Variants in ITGAL observed in about 807,000 individuals in gnomAD.
The protein encoded by ITGAL is integrin subunit alpha L, also known as integrin alpha-L.
ITGAL carries 68 observed loss-of-function variants against 138.4 expected under a neutral mutation model. The observed-to-expected ratio is 0.49, with a 90% CI of 0.40 to 0.60. The LOEUF (loss-of-function observed/expected upper bound fraction) is 0.60. ITGAL is among the 20% of genes least tolerant of loss of function. ITGAL has a pLI of 0.00. For missense variants in ITGAL, 1,256 were observed against 1,478.6 expected, an observed-to-expected ratio of 0.85 and a Z score of 2.47; for synonymous variants, 561 against 584.3, an observed-to-expected ratio of 0.96 and a Z score of 0.57.
chr16:30,518,380 C>T (rs1257873026), intron 28 of ITGAL, among the ~76,000 whole-genome samples: 1 of 149,944 alleles, frequency 6.7e-6, no homozygotes, highest in Non-Finnish European at 1.5e-5. Flanking sequence ...ACCCGGGAGG[C>T]AGAGGTTGCA....
intron 17 of ITGAL, among the ~76,000 whole-genome samples, chr16:30,499,733 A>ATGTGTATATATATATATATATATATATT: frequency 5.7e-5 from 5 of 88,364 alleles, no homozygotes; most frequent in Non-Finnish European, 7.6e-5. Context: ...ATATATATAT[A>ATGTGTATATATATATATATATATATATT]TTTTTTTTTT....
intron 21 of ITGAL, among the ~76,000 whole-genome samples, chr16:30,510,055 T>A (rs888043324): frequency 1.3e-3 from 50 of 39,760 alleles, no homozygotes; most frequent in South Asian, 0.011. Flanking sequence ...AAAAAAAAAT[T>A]TTTTTTAATA....
intron 17 of ITGAL, among the ~76,000 whole-genome samples, chr16:30,500,326 T>A (rs2050876616): frequency 6.6e-6 from 1 of 151,614 alleles, no homozygotes; most frequent in Non-Finnish European, 1.5e-5. Flanking sequence ...CCTCAGGTGA[T>A]CCTCCTACCT....
intron 9 of ITGAL, among the ~76,000 whole-genome samples, chr16:30,484,900 A>G (rs1273739670): frequency 6.6e-6 from 1 of 152,142 alleles, no homozygotes; most frequent in Non-Finnish European, 1.5e-5. Context: ...CCTGGGCAAC[A>G]CAGCAAGACT....
intron 7 of ITGAL, among the ~76,000 whole-genome samples, chr16:30,482,287 A>G (rs1339114777): frequency 6.6e-6 from 1 of 152,190 alleles, no homozygotes; most frequent in African/African-American, 2.4e-5. Flanking sequence ...CTAAGAAATT[A>G]AAAATAAATT....
intron 25 of ITGAL, among the ~76,000 whole-genome samples, 198 bp downstream of exon 25, chr16:30,514,044 G>T (rs1032680739): frequency 2.0e-5 from 3 of 152,184 alleles, no homozygotes; most frequent in African/African-American, 7.2e-5. Flanking sequence ...GCCACTGGAT[G>T]CATTATTTCA....
At chr16:30,489,519 A>G in intron 11 of ITGAL, 133 bp downstream of exon 11, 3 of 787,420 alleles carry the variant, frequency 3.8e-6, no homozygotes, top group Non-Finnish European at 6.1e-6. Context: ...ATATGGCTAT[A>G]ACATTCATAA....
rs377149246 is a variant in ITGAL, at chr16:30,494,390, G to C, written c.1365+27G>C. 21 of 1,576,370 alleles carry C rather than the reference G, an allele frequency of 1.3e-5. No individual in the cohort carries two copies. In the African/African-American group the frequency reaches 2.4e-4, roughly 18 times the overall value. On this transcript the variant is annotated intron_variant, in intron 12 of 30. Coordinates refer to ENST00000356798, the MANE Select transcript of ITGAL (RefSeq NM_002209.3). This position sits in a 1 kb window ranked among gnomAD's most constrained non-coding sequence, Gnocchi z 4.2. ...TGCGCCCAGTCCGAGGGCATCTGCA[G>C]ACCAGGGACTGGCGGGACACACATC...
chr16:30,486,341 C>G (rs1372424192), intron 9 of ITGAL, among the ~76,000 whole-genome samples: 5 of 148,056 alleles, frequency 3.4e-5, no homozygotes, highest in Non-Finnish European at 7.4e-5. Flanking sequence ...ACCCAGGAGG[C>G]AGAGGTTGCA....
intron 25 of ITGAL, among the ~76,000 whole-genome samples, chr16:30,515,264 G>A (rs2051149677): frequency 6.6e-6 from 1 of 152,166 alleles, no homozygotes; most frequent in Non-Finnish European, 1.5e-5. Context: ...CCTTCCTCCT[G>A]CTTTGTCCCA....
At chr16:30,504,311 C>T in intron 18 of ITGAL, 47 bp downstream of exon 18, 1 of 1,489,224 alleles carries the variant, frequency 6.7e-7, no homozygotes, top group Non-Finnish European at 9.4e-7. Flanking sequence ...CAGAGAAATC[C>T]ATTTGGCAAG....
At chr16:30,481,270 CG>C (rs1567464741) in intron 6 of ITGAL, 168 bp from the exon 7 acceptor site, 7 of 567,982 alleles carry the variant, frequency 1.2e-5, no homozygotes, top group African/African-American at 1.9e-5. Context: ...CGCTGGAACC[CG>C]GGAGGCAGAG....
At chr16:30,499,711 A>G (rs368600245) in intron 17 of ITGAL, among the ~76,000 whole-genome samples, 15 of 93,826 alleles carry the variant, frequency 1.6e-4, no homozygotes, top group African/African-American at 4.5e-4. Context: ...ATATATATAT[A>G]TGTATATATA....
At chr16:30,490,124 G>T (rs1203341489) in intron 11 of ITGAL, among the ~76,000 whole-genome samples, 1 of 151,574 alleles carries the variant, frequency 6.6e-6, no homozygotes, top group Non-Finnish European at 1.5e-5. Flanking sequence ...CTACTCAGGG[G>T]GCTGAGGCAG....
At chr16:30,505,121 G>C (rs1377017131) in intron 18 of ITGAL, 123 bp from the exon 19 acceptor site, 1 of 905,786 alleles carries the variant, frequency 1.1e-6, no homozygotes, top group Non-Finnish European at 1.6e-6. Flanking sequence ...GCTGGCTCCT[G>C]GGCAGGGCCA....
intron 21 of ITGAL, chr16:30,509,468 G>A (rs2051055856): frequency 6.6e-6 from 1 of 152,080 alleles, no homozygotes. Context: ...AAAACTTCAC[G>A]ATAGTCTCTT....
Position 30,506,811 on chromosome 16 carries a change from G to C in ITGAL, c.2463G>C (p.Leu821=), listed in dbSNP as rs761843928. The C allele has an allele frequency of 1.9e-6, 3 of 1,613,968 alleles. No individual in the cohort carries two copies. Among genetic ancestry groups the C allele is most frequent in the Non-Finnish European group, 2.5e-6 (3 of 1,179,916 alleles). ...EEDAYWVQLD[L]HFPPGLSFRK... ...ATGCTTACTGGGTCCAGCTGGACCT[G>C]CACTTCCCCCCGGGACTCTCCTTCC... Residue 821 remains leucine (L), a synonymous_variant, in exon 21 of 31, where the codon CTG becomes CTC. Coordinates refer to ENST00000356798, the MANE Select transcript of ITGAL (RefSeq NM_002209.3).
intron 24 of ITGAL, 46 bp from the exon 25 acceptor site, chr16:30,513,725 G>T (rs761816814): frequency 6.8e-7 from 1 of 1,475,690 alleles, no homozygotes; most frequent in Non-Finnish European, 9.5e-7. Flanking sequence ...TGGAGCCCGG[G>T]TTGCTGTCAC....
Position 30,494,435 on chromosome 16 carries a change from G to C in ITGAL, c.1365+72G>C. On this transcript the variant is annotated intron_variant, in intron 12 of 30. Transcript: ENST00000356798. The surrounding 1 kb of genome is among the most constrained non-coding windows in gnomAD (Gnocchi z 4.2). ...CACATCACACTCCCTTCTGTCCTTT[G>C]AATGCTCATCCACTTACCATGTGGC... 6.8e-7 allele frequency: 1 copy of C among 1,462,490 alleles called. No homozygotes were observed. The highest frequency in any genetic ancestry group is 9.2e-7 in the Non-Finnish European group (1 of 1,083,852). 90.6% of individuals were successfully genotyped at this position (1,462,490 alleles called of 1,614,324 possible). A position where few individuals can be genotyped will look rare whatever the true frequency, so the allele number is the denominator to read the frequency against.
Sources: gnomAD v4.1 joint callset for allele counts (sites outside exome capture counted in the v4.1 genomes callset) on GRCh38, gnomAD v4.1.1 for gene constraint, Gnocchi (gnomAD v3.1) non-coding constraint, MANE v1.5 for transcripts, NCBI Gene and HGNC (gene_info 2026-07-23, HGNC 2026-07-21) for gene names.